Variants in GSN observed in about 807,000 individuals in gnomAD.
GSN encodes gelsolin.
A neutral mutation model predicts 85.7 loss-of-function variants in GSN; 56 were observed. That is an observed-to-expected ratio of 0.65 (90% CI 0.53 to 0.82). The LOEUF (loss-of-function observed/expected upper bound fraction) is 0.82. Ranked by LOEUF, GSN falls within the 40% of genes least tolerant of loss-of-function variation. The pLI, the probability that GSN is intolerant of heterozygous loss-of-function variation, is 0.00. For synonymous variants in GSN, 373 were observed against 399.1 expected, an observed-to-expected ratio of 0.93 and a Z score of 0.78; for missense variants, 857 against 979.8, an observed-to-expected ratio of 0.87 and a Z score of 1.67.
At chr9:121,214,382 C>G (rs946202736) in intron 4 of GSN, among the ~76,000 whole-genome samples, 5 of 151,998 alleles carry the variant, frequency 3.3e-5, no homozygotes, top group African/African-American at 1.2e-4. Context: ...ATTTTAAAAT[C>G]TAGGTTCCAT....
rs1341823208 is a variant in GSN at position 121,332,718 on chromosome 9, GTTGT to G, written c.*118_*121del. The G allele has an allele frequency of 1.9e-5, 13 of 694,136 alleles. No individual in the cohort carries two copies. Among genetic ancestry groups the G allele is most frequent in the Admixed American group, 3.1e-5 (1 of 32,646 alleles). 43.0% of individuals were successfully genotyped at this position (694,136 alleles called of 1,614,324 possible). A position where few individuals can be genotyped will look rare whatever the true frequency, so the allele number is the denominator to read the frequency against. ...GCTATGAGTGTGTGTGTGTGTGTGT[GTTGT>G]TTCTTTTTTTTTTTTTTACAGTATC... On this transcript the variant is annotated 3_prime_UTR_variant, in exon 18 of 18. Transcript: ENST00000432226. This position sits in a 1 kb window ranked among gnomAD's most constrained non-coding sequence, Gnocchi z 4.8.
intron 4 of GSN, 94 bp from the exon 5 acceptor site, chr9:121,310,590 C>T: frequency 8.0e-7 from 1 of 1,247,220 alleles, no homozygotes; most frequent in Non-Finnish European, 1.2e-6. Flanking sequence ...GTCCACAAGC[C>T]AGAATTTCCT....
intron 1 of GSN, chr9:121,280,650 A>G (rs939395230): frequency 2.0e-5 from 3 of 152,248 alleles, no homozygotes; most frequent in Non-Finnish European, 4.4e-5. Context: ...AATCAGGGTA[A>G]TAATTAGAGT....
In GSN at chr9:121,243,059, C is replaced by A. The variant is rs544974138; in HGVS notation, c.-388-5217C>A. Among the ~76,000 whole-genome samples, 5 of 152,258 alleles carry A rather than the reference C, an allele frequency of 3.3e-5. No homozygotes were observed. The East Asian group carries it at 9.6e-4, about 29-fold the overall frequency. Reference sequence around the variant, plus strand: ...GTAACTTAACACAACACAATTTATTCTCTTAAAGTTCTGGAGTTCAGCAGT... The same window carrying A: ...GTAACTTAACACAACACAATTTATTATCTTAAAGTTCTGGAGTTCAGCAGT... On this transcript the variant is annotated intron_variant, in intron 5 of 24. Transcript: ENST00000373823.
intron 4 of GSN, 103 bp downstream of exon 4, chr9:121,303,168 C>G: frequency 9.0e-7 from 1 of 1,108,230 alleles, no homozygotes; most frequent in Non-Finnish European, 1.4e-6. Context: ...AGTGGGCAGA[C>G]CGATCAGAGG....
intron 5 of GSN, among the ~76,000 whole-genome samples, chr9:121,241,439 A>G (rs1460448011): frequency 1.3e-5 from 2 of 152,170 alleles, no homozygotes; most frequent in Non-Finnish European, 2.9e-5. Flanking sequence ...TCAGCCAAAA[A>G]ACTTCCCCAC....
At chr9:121,233,088 G>A (rs1588446877) in intron 5 of GSN, among the ~76,000 whole-genome samples, 1 of 152,170 alleles carries the variant, frequency 6.6e-6, no homozygotes, top group Admixed American at 6.5e-5. Context: ...TAGAAGTGAT[G>A]CTCTCTGTCA....
At chr9:121,304,591 C>T (rs887110640) in intron 4 of GSN, among the ~76,000 whole-genome samples, 1 of 152,216 alleles carries the variant, frequency 6.6e-6, no homozygotes. Context: ...CAATCATCCT[C>T]CATTCATCAT....
At chr9:121,250,660 C>T (rs1171604426) in intron 6 of GSN, among the ~76,000 whole-genome samples, 1 of 151,690 alleles carries the variant, frequency 6.6e-6, no homozygotes, top group East Asian at 1.9e-4. Context: ...ACCTTAGGCT[C>T]CCAAGTAGCT....
rs10566145 is a variant in GSN at position 121,283,671 on chromosome 9, GTTCATTCA to G, written c.-10+2139_-10+2146del. On this transcript the variant is annotated intron_variant, in intron 2 of 17. Coordinates refer to ENST00000432226, the MANE Select transcript of GSN (RefSeq NM_198252.3). ...TTCTTGTCTTGATTTATGTATATAG[GTTCATTCA>G]TTCATTCATTCATTCATTCATTCAT... 8.1e-3 allele frequency: 1,043 copies of G among 128,884 alleles called. 10 individuals carry two copies. The highest frequency in any genetic ancestry group is 0.021 in the African/African-American group (807 of 39,058). The allele number at this position is 128,884 out of a possible 1,614,324, so 8.0% of individuals were successfully genotyped here.
chr9:121,264,870 A>C (rs1262220422), upstream of GSN, among the ~76,000 whole-genome samples: 3 of 152,200 alleles, frequency 2.0e-5, no homozygotes, highest in East Asian at 5.8e-4. Flanking sequence ...ATCTGATCCA[A>C]CTTAGAATGT....
intron 2 of GSN, among the ~76,000 whole-genome samples, chr9:121,287,682 C>CTT (rs5900480): frequency 0.026 from 3,920 of 150,110 alleles, 76 homozygotes; most frequent in Non-Finnish European, 0.041. Context: ...AGCGTGTGGG[C>CTT]TTTTTTTTTC....
chr9:121,331,503 T>C (rs746429800), intron 17 of GSN, 55 bp downstream of exon 17: 1 of 1,025,972 alleles, frequency 9.7e-7, no homozygotes, highest in Non-Finnish European at 1.5e-6. Flanking sequence ...TGTGGGGTGC[T>C]GGGAGTGGCT....
Position 121,300,051 on chromosome 9 carries a change from G to T in GSN, c.-9-1912G>T, listed in dbSNP as rs753191504. 10 of 1,601,646 alleles carry T rather than the reference G, an allele frequency of 6.2e-6. No homozygotes were observed. The East Asian group carries it at 6.8e-5, about 11-fold the overall frequency. On this transcript the variant is annotated intron_variant, in intron 2 of 17. Transcript: ENST00000432226. ...GGGGCTCCCGGAGTAACTCTCTATTGTAAGTTCTTGCAGATACAGCGCTAG... is the reference window on the plus strand; with the variant it reads ...GGGGCTCCCGGAGTAACTCTCTATTTTAAGTTCTTGCAGATACAGCGCTAG...
intron 2 of GSN, chr9:121,286,790 TGA>T (rs1229171725): frequency 6.6e-7 from 1 of 1,521,874 alleles, no homozygotes; most frequent in Non-Finnish European, 8.8e-7. Flanking sequence ...TGTGTAGAAG[TGA>T]GAGTCAGACT....
chr9:121,243,069 T>C (rs2132206534), intron 5 of GSN, among the ~76,000 whole-genome samples: 1 of 152,288 alleles, frequency 6.6e-6, no homozygotes, highest in South Asian at 2.1e-4. Flanking sequence ...CTCTTAAAGT[T>C]CTGGAGTTCA....
chr9:121,256,464 G>A (rs1477425474), intron 6 of GSN, among the ~76,000 whole-genome samples: 2 of 152,216 alleles, frequency 1.3e-5, no homozygotes, highest in African/African-American at 4.8e-5. Context: ...ACTCATCTGT[G>A]AGAGTGAAAA....
chr9:121,255,736 G>C (rs926200553), intron 6 of GSN, among the ~76,000 whole-genome samples: 1 of 151,980 alleles, frequency 6.6e-6, no homozygotes, highest in South Asian at 2.1e-4. Context: ...TCTTCTTTTG[G>C]TGAACCTTTA....
At chr9:121,310,344 G>GT (rs1330188759) in intron 4 of GSN, 5 of 352,192 alleles carry the variant, frequency 1.4e-5, no homozygotes, top group East Asian at 6.9e-5. Flanking sequence ...AATTGTTGCA[G>GT]TTTTTTTGAT....
Sources: gnomAD v4.1 joint callset for allele counts (sites outside exome capture counted in the v4.1 genomes callset) on GRCh38, gnomAD v4.1.1 for gene constraint, Gnocchi (gnomAD v3.1) non-coding constraint, MANE v1.5 for transcripts, NCBI Gene and HGNC (gene_info 2026-07-23, HGNC 2026-07-21) for gene names.